The following TM9SF3 variants were observed in gnomAD, a reference collection of about 807,000 sequenced individuals.
The protein encoded by TM9SF3 is transmembrane 9 superfamily member 3, also known as SM-11044-binding protein.
In TM9SF3, 14 loss-of-function variants were observed where a neutral mutation model predicts 78.6. The observed-to-expected ratio is 0.18, with a 90% confidence interval of 0.12 to 0.28. The LOEUF (loss-of-function observed/expected upper bound fraction) is 0.28, where lower values mean the gene tolerates loss of function less well. Ranked by LOEUF, TM9SF3 falls within the 10% of genes least tolerant of loss-of-function variation. TM9SF3 has a pLI of 1.00. For missense variants in TM9SF3, 496 were observed against 721.9 expected (o/e 0.69, Z 3.59); for synonymous variants, 231 against 241.7 (o/e 0.96, Z 0.41).
intron 7 of TM9SF3, among the ~76,000 whole-genome samples, chr10:96,548,201 ATTTT>A (rs1363034698): frequency 6.6e-6 from 1 of 152,122 alleles, no homozygotes; most frequent in Non-Finnish European, 1.5e-5. Flanking sequence ...GCTGATCCTA[ATTTT>A]TTTATCCTGC....
Position 96,570,293 on chromosome 10 carries a change from AAT to A in TM9SF3, c.299-4869_299-4868del, listed in dbSNP as rs564341143. On this transcript the variant is annotated intron_variant, in intron 2 of 14. Coordinates refer to ENST00000371142, the MANE Select transcript of TM9SF3 (RefSeq NM_020123.4). ...AACTCAACTTTCACATATTTAAAACAATGTGGATAAACACAAACACAGAAGGA... is the reference window on the plus strand; with the variant it reads ...AACTCAACTTTCACATATTTAAAACAGTGGATAAACACAAACACAGAAGGA... 1.0e-3 allele frequency among the ~76,000 whole-genome samples: 158 copies of A among 152,344 alleles called. 1 individual carries two copies. Among genetic ancestry groups the A allele is most frequent in the African/African-American group, 3.6e-3 (150 of 41,584 alleles).
At chr10:96,548,278 G>T (rs1236900535) in intron 7 of TM9SF3, among the ~76,000 whole-genome samples, 1 of 152,120 alleles carries the variant, frequency 6.6e-6, no homozygotes, top group Non-Finnish European at 1.5e-5. Context: ...AATACTAGAA[G>T]CTGACACTAA....
Position 96,522,186 on chromosome 10 carries a change from G to C in TM9SF3, c.*77C>G. The C allele has an allele frequency of 7.9e-7, 1 of 1,264,560 alleles. No individual in the cohort carries two copies. The allele number at this position is 1,264,560 out of a possible 1,614,324, so 78.3% of individuals were successfully genotyped here. On this transcript the variant is annotated 3_prime_UTR_variant, in exon 15 of 15. Transcript: ENST00000371142. ...TGTTAAAGCCCAAATCTCTTCTTGC[G>C]TTTGTTTGTTTTTGCTGTGCAAGTT...
At chr10:96,586,617 C>A (rs1001315219) in intron 1 of TM9SF3, 117 bp downstream of exon 1, 14 of 867,274 alleles carry the variant, frequency 1.6e-5, no homozygotes, top group Middle Eastern at 4.2e-4. Flanking sequence ...CGGAAGGAGT[C>A]CTCGGGCCGC....
chr10:96,550,601 A>AAT (rs1435859559), intron 7 of TM9SF3, among the ~76,000 whole-genome samples: 1 of 152,202 alleles, frequency 6.6e-6, no homozygotes, highest in Non-Finnish European at 1.5e-5. Flanking sequence ...TTGAGCACTG[A>AAT]ATAGGGACCT....
chr10:96,571,956 G>T (rs1432347034), intron 2 of TM9SF3, among the ~76,000 whole-genome samples: 1 of 152,066 alleles, frequency 6.6e-6, no homozygotes, highest in Non-Finnish European at 1.5e-5. Flanking sequence ...ACCAATTATC[G>T]TAACAACAAG....
chr10:96,531,853 C>T (rs1389186437), intron 10 of TM9SF3, among the ~76,000 whole-genome samples: 1 of 152,014 alleles, frequency 6.6e-6, no homozygotes, highest in African/African-American at 2.4e-5. Flanking sequence ...TTAAACTTAC[C>T]CTTCCCAGTA....
intron 6 of TM9SF3, among the ~76,000 whole-genome samples, chr10:96,552,172 C>T (rs967552703): frequency 6.6e-6 from 1 of 152,104 alleles, no homozygotes; most frequent in African/African-American, 2.4e-5. Context: ...ATTTCCCAAG[C>T]CAGGCACGGT....
At chr10:96,566,838 A>G (rs1430611279) in intron 2 of TM9SF3, among the ~76,000 whole-genome samples, 1 of 152,220 alleles carries the variant, frequency 6.6e-6, no homozygotes, top group African/African-American at 2.4e-5. Context: ...AAGGAGTGTG[A>G]TAATGAACAA....
At chr10:96,563,799 C>A (rs1848337844) in intron 3 of TM9SF3, among the ~76,000 whole-genome samples, 1 of 151,722 alleles carries the variant, frequency 6.6e-6, no homozygotes, top group African/African-American at 2.4e-5. Context: ...ACTCTGAAAC[C>A]TTTACCCCAC....
Position 96,519,337 on chromosome 10 carries a change from C to T in TM9SF3, c.*2926G>A, listed in dbSNP as rs537909800. On this transcript the variant is annotated 3_prime_UTR_variant, in exon 15 of 15. Transcript: ENST00000371142. ...ACCCAAGCATACCATTCACTAGGTT[C>T]GGATATCACCATAATATAATGAATT... The T allele has an allele frequency of 2.2e-4, 33 of 152,012 alleles. No homozygotes were observed. The highest frequency in any genetic ancestry group is 1.5e-3 in the East Asian group (8 of 5,182). 9.4% of individuals were successfully genotyped at this position (152,012 alleles called of 1,614,324 possible).
chr10:96,553,424 G>A (rs150924078), intron 5 of TM9SF3, among the ~76,000 whole-genome samples: 15 of 152,204 alleles, frequency 9.9e-5, no homozygotes, highest in East Asian at 9.6e-4. Context: ...ATGTGACCGC[G>A]GTTTTCTCAT....
At chr10:96,558,539 G>A (rs1589456476) in intron 5 of TM9SF3, among the ~76,000 whole-genome samples, 1 of 151,840 alleles carries the variant, frequency 6.6e-6, no homozygotes, top group South Asian at 2.1e-4. Context: ...CCAGCTACTC[G>A]GGAGGCTGAG....
intron 3 of TM9SF3, 78 bp from the exon 4 acceptor site, chr10:96,562,216 GTTTTTTT>G (rs34868868): frequency 1.2e-5 from 7 of 561,212 alleles, no homozygotes; most frequent in Admixed American, 4.4e-5. Flanking sequence ...TGCTCATTAA[GTTTTTTT>G]TTTTTTTTTT....
rs1018399144 is a variant in TM9SF3, at chr10:96,586,903, C to G, written c.-68G>C. On this transcript the variant is annotated 5_prime_UTR_variant, in exon 1 of 15. Transcript: ENST00000371142. ...CTCCCGCCGCCGCCTCCTCCGCCGC[C>G]GCCGCCTCCGCCGCGGCCGATTCGC... 7.1e-6 allele frequency: 8 copies of G among 1,120,840 alleles called. No homozygotes were observed. Among genetic ancestry groups the G allele is most frequent in the Non-Finnish European group, 7.7e-6 (7 of 908,808 alleles). 69.4% of individuals were successfully genotyped at this position (1,120,840 alleles called of 1,614,324 possible).
intron 11 of TM9SF3, among the ~76,000 whole-genome samples, chr10:96,529,870 G>T (rs912594883): frequency 2.6e-4 from 40 of 152,252 alleles, no homozygotes; most frequent in Non-Finnish European, 2.1e-4. Flanking sequence ...GTATTTAGTG[G>T]ACAGGAGCCA....
chr10:96,522,261 C>G lies in TM9SF3; in HGVS notation c.*2G>C, dbSNP rs766148828. The G allele has an allele frequency of 1.9e-6, 3 of 1,598,686 alleles. No individual in the cohort carries two copies. In the Admixed American group the frequency reaches 5.3e-5, roughly 28 times the overall value. ...TCCAAAGTTCCAGGTTTTCTTGGGT[C>G]TCTAGTCAATTTTCACATTAGTATA... On this transcript the variant is annotated 3_prime_UTR_variant, in exon 15 of 15. Transcript: ENST00000371142.
At chr10:96,531,048 G>C (rs1212505823) in intron 10 of TM9SF3, among the ~76,000 whole-genome samples, 1 of 151,996 alleles carries the variant, frequency 6.6e-6, no homozygotes, top group Non-Finnish European at 1.5e-5. Flanking sequence ...CTCTCTCCTT[G>C]GTTCTATAAT....
At position 96,522,185 on chromosome 10, in the gene TM9SF3, C is replaced by T. The variant is rs567849089; in HGVS notation, c.*78G>A. The stretch of plus-strand genomic sequence containing the variant: ...GTGTTAAAGCCCAAATCTCTTCTTG[C>T]GTTTGTTTGTTTTTGCTGTGCAAGT... On this transcript the variant is annotated 3_prime_UTR_variant, in exon 15 of 15. Coordinates refer to ENST00000371142, the MANE Select transcript of TM9SF3 (RefSeq NM_020123.4). 1.2e-4 allele frequency: 154 copies of T among 1,241,018 alleles called. No homozygotes were observed. Among genetic ancestry groups the T allele is most frequent in the Middle Eastern group, 3.8e-4 (2 of 5,292 alleles). The allele number at this position is 1,241,018 out of a possible 1,614,324, so 76.9% of individuals were successfully genotyped here.
Sources: allele counts gnomAD v4.1 joint callset (sites outside exome capture counted in the v4.1 genomes callset), GRCh38; gene constraint gnomAD v4.1.1; transcripts MANE v1.5; gene names NCBI Gene and HGNC (gene_info 2026-07-23, HGNC 2026-07-21).